MMAA: variants seen among roughly 807,000 people sequenced by gnomAD.
The protein encoded by MMAA is methylmalonic aciduria type A protein, mitochondrial.
MMAA carries 41 observed loss-of-function variants against 45.0 expected under a neutral mutation model. That is an observed-to-expected ratio of 0.91 (90% CI 0.71 to 1.18). The LOEUF (loss-of-function observed/expected upper bound fraction) is 1.18. Among genes scored for constraint, MMAA ranks in the 50% most tolerant of loss-of-function variants. The pLI, the probability that MMAA is intolerant of heterozygous loss-of-function variation, is 0.00. For missense variants in MMAA, 460 were observed against 495.7 expected, an observed-to-expected ratio of 0.93 and a Z score of 0.68; for synonymous variants, 154 against 178.2, an observed-to-expected ratio of 0.86 and a Z score of 1.08.
intron 1 of MMAA, among the ~76,000 whole-genome samples, chr4:145,630,626 G>C (rs757222129): frequency 6.6e-6 from 1 of 152,170 alleles, no homozygotes; most frequent in African/African-American, 2.4e-5. Context: ...TACTTGGGGG[G>C]CTGAGGCAGG....
chr4:145,636,695 C>T (rs1560794478), intron 1 of MMAA, among the ~76,000 whole-genome samples: 1 of 152,260 alleles, frequency 6.6e-6, no homozygotes, highest in East Asian at 1.9e-4. Flanking sequence ...TCGGTCTTGA[C>T]TTCAACTCCT....
intron 1 of MMAA, among the ~76,000 whole-genome samples, chr4:145,630,027 A>T (rs965827789): frequency 6.6e-6 from 1 of 152,156 alleles, no homozygotes. Context: ...CATATAATGA[A>T]TTTGGAAATA....
intron 4 of MMAA, among the ~76,000 whole-genome samples, chr4:145,648,560 G>C (rs1273352480): frequency 6.6e-6 from 1 of 152,182 alleles, no homozygotes; most frequent in East Asian, 1.9e-4. Flanking sequence ...TTAGTTGCCT[G>C]AGTAGTAGTA....
At chr4:145,652,090 C>T (rs778337789) in intron 5 of MMAA, among the ~76,000 whole-genome samples, 4 of 152,052 alleles carry the variant, frequency 2.6e-5, no homozygotes, top group Non-Finnish European at 5.9e-5. Flanking sequence ...ACAATTGCAG[C>T]GTGCTTATAA....
At chr4:145,640,495 C>T (rs1007071514) in intron 2 of MMAA, among the ~76,000 whole-genome samples, 22 of 152,056 alleles carry the variant, frequency 1.4e-4, no homozygotes, top group African/African-American at 5.3e-4. Flanking sequence ...AATATCATGC[C>T]TCCAACATCA....
intron 1 of MMAA, among the ~76,000 whole-genome samples, chr4:145,637,735 A>G (rs1727651881): frequency 6.6e-6 from 1 of 152,204 alleles, no homozygotes; most frequent in Admixed American, 6.5e-5. Context: ...TTAGTTTGCT[A>G]CTGGAAGAAT....
chr4:145,651,191 C>A, intron 5 of MMAA, 44 bp downstream of exon 5: 2 of 1,518,830 alleles, frequency 1.3e-6, no homozygotes, highest in Non-Finnish European at 1.8e-6. Flanking sequence ...AAATGTATAT[C>A]TCTGAAAATA....
In MMAA at chr4:145,659,770, ATATC is replaced by A. The variant is rs1560805591; in HGVS notation, c.*4341_*4344del. Reference sequence around the variant, plus strand: ...TAATGATCAAATCGGAGTACTTAGCATATCTATCATCTCGTGCATTTATCATTTC... The same window carrying A: ...TAATGATCAAATCGGAGTACTTAGCATATCATCTCGTGCATTTATCATTTC... On this transcript the variant is annotated 3_prime_UTR_variant, in exon 7 of 7. Transcript: ENST00000649156. The A allele has an allele frequency of 6.6e-6, 1 of 152,232 alleles. No homozygotes were observed. Among genetic ancestry groups the A allele is most frequent in the Non-Finnish European group, 1.5e-5 (1 of 68,048 alleles). The allele number at this position is 152,232 out of a possible 1,614,324, so 9.4% of individuals were successfully genotyped here. A position where few individuals can be genotyped will look rare whatever the true frequency, so the allele number is the denominator to read the frequency against.
chr4:145,650,142 G>A (rs887133943), intron 4 of MMAA, among the ~76,000 whole-genome samples: 1 of 152,112 alleles, frequency 6.6e-6, no homozygotes, highest in African/African-American at 2.4e-5. Flanking sequence ...TTATTTTGTT[G>A]TTGTTGTTTT....
At chr4:145,639,939 C>T (rs562051869) in intron 2 of MMAA, 5 of 626,222 alleles carry the variant, frequency 8.0e-6, no homozygotes, top group South Asian at 7.1e-5. Flanking sequence ...GTTTTGTTGT[C>T]GTATCAACTA....
At position 145,642,395 on chromosome 4, in the gene MMAA, A is replaced by T; in HGVS notation, c.472A>T (p.Thr158Ser). 1 of 1,614,160 alleles carries T rather than the reference A, an allele frequency of 6.2e-7. No homozygotes were observed. The highest frequency in any genetic ancestry group is 8.5e-7 in the Non-Finnish European group (1 of 1,180,010). ...LSGPPGAGKS[T>S]FIEYFGKMLT... ...TGGGCCCCCTGGTGCTGGAAAATCA[A>T]CATTTATAGAATATTTTGGAAAAAT... Residue 158 changes from threonine to serine, a missense_variant, in exon 3 of 7, where the codon ACA becomes TCA. Transcript: ENST00000649156.
At chr4:145,647,926 G>A (rs564665447) in intron 4 of MMAA, among the ~76,000 whole-genome samples, 62 of 152,012 alleles carry the variant, frequency 4.1e-4, no homozygotes, top group African/African-American at 1.4e-3. Flanking sequence ...GCGGGGTCTC[G>A]GCTCACTGCA....
At chr4:145,634,925 A>G (rs942630447) in intron 1 of MMAA, among the ~76,000 whole-genome samples, 15 of 151,770 alleles carry the variant, frequency 9.9e-5, no homozygotes, top group African/African-American at 3.6e-4. Flanking sequence ...GATATCCAAG[A>G]TGCAAGATAA....
At chr4:145,629,854 C>T (rs1054049444) in intron 1 of MMAA, among the ~76,000 whole-genome samples, 1 of 152,046 alleles carries the variant, frequency 6.6e-6, no homozygotes, top group Admixed American at 6.6e-5. Context: ...AAGACCCACC[C>T]CCATAATTCA....
At chr4:145,634,733 A>G (rs1337726668) in intron 1 of MMAA, among the ~76,000 whole-genome samples, 2 of 151,388 alleles carry the variant, frequency 1.3e-5, no homozygotes, top group Non-Finnish European at 2.9e-5. Context: ...GTACCTTGGT[A>G]TTGCTGCTGG....
In MMAA at chr4:145,655,285, C is replaced by T. The variant is rs767085014; in HGVS notation, c.1108C>T (p.Leu370Phe). The part of the protein sequence containing the change: ...RKQQKVWMWN[L>F]IQESVLEHFR... ...GCAACAGAAAGTTTGGATGTGGAAT[C>T]TCATTCAGGAAAGTGTGTTAGAGCA... is the stretch of plus-strand genomic sequence containing the variant. The change falls in exon 7 of 7, where the codon CTC (leucine) becomes TTC (phenylalanine). Residue 370 changes from leucine to phenylalanine, a missense_variant. Leu to Phe is a conservative substitution (Grantham distance 22, BLOSUM62 0). Transcript: ENST00000649156. The T allele has an allele frequency of 5.0e-6, 8 of 1,614,072 alleles. No individual in the cohort carries two copies. Among genetic ancestry groups the T allele is most frequent in the East Asian group, 2.2e-5 (1 of 44,904 alleles).
At position 145,639,276 on chromosome 4, in the gene MMAA, C is replaced by T; in HGVS notation, c.137C>T (p.Ser46Phe). The change falls in exon 2 of 7, where the codon TCT becomes TTT. Residue 46 changes from serine to phenylalanine, a missense_variant. Ser to Phe is a radical substitution (Grantham distance 155, BLOSUM62 -2). Coordinates refer to ENST00000649156, the MANE Select transcript of MMAA (RefSeq NM_172250.3). Reference sequence around the variant, plus strand: ...ATCCCATGTGCTCAGCCGTTTAATTCTCTTGGACTCCATTGTACAAAGTGG... The same window carrying T: ...ATCCCATGTGCTCAGCCGTTTAATTTTCTTGGACTCCATTGTACAAAGTGG... ...SGIPCAQPFN[S>F]LGLHCTKWML... The T allele has an allele frequency of 6.2e-7, 1 of 1,614,132 alleles. No homozygotes were observed. The highest frequency in any genetic ancestry group is 8.5e-7 in the Non-Finnish European group (1 of 1,180,026).
chr4:145,623,697 A>G (rs946017150), intron 1 of MMAA, among the ~76,000 whole-genome samples: 1 of 152,242 alleles, frequency 6.6e-6, no homozygotes, highest in Non-Finnish European at 1.5e-5. Flanking sequence ...CAGACCAGTA[A>G]CAGAAGAAAA....
intron 1 of MMAA, among the ~76,000 whole-genome samples, chr4:145,635,765 A>G (rs1727592039): frequency 6.6e-6 from 1 of 152,154 alleles, no homozygotes; most frequent in Non-Finnish European, 1.5e-5. Context: ...TATCCTGCAG[A>G]TTTCCTCTCT....
Sources: gnomAD v4.1 joint callset for allele counts (sites outside exome capture counted in the v4.1 genomes callset) on GRCh38, gnomAD v4.1.1 for gene constraint, MANE v1.5 for transcripts, NCBI Gene and HGNC (gene_info 2026-07-23, HGNC 2026-07-21) for gene names.